Variants in NRXN3 observed in about 807,000 individuals in gnomAD.
NRXN3 encodes the protein neurexin 3, also known as neurexin III.
In NRXN3, 32 loss-of-function variants were observed where a neutral mutation model predicts 137.6. The observed-to-expected ratio is 0.23, with a 90% CI of 0.18 to 0.31. The LOEUF is 0.31. Ranked by LOEUF, NRXN3 falls within the 10% of genes least tolerant of loss-of-function variation. The pLI, the probability that NRXN3 is intolerant of heterozygous loss-of-function variation, is 1.00. For missense variants in NRXN3, 1,574 were observed against 2,062.5 expected, an observed-to-expected ratio of 0.76 and a Z score of 4.59; for synonymous variants, 798 against 784.5, an observed-to-expected ratio of 1.02 and a Z score of -0.29.
In NRXN3 at chr14:78,232,704, C is replaced by G. The variant is rs142514852; in HGVS notation, c.-703-9687C>G. Reference sequence around the variant, plus strand: ...CCTATCCCCTCATGTAAAGAATTCACTGGCTTTCAATTGAATCTTTTTTAA... The same window carrying G: ...CCTATCCCCTCATGTAAAGAATTCAGTGGCTTTCAATTGAATCTTTTTTAA... On this transcript the variant is annotated intron_variant, in intron 1 of 20. Coordinates refer to ENST00000335750, the MANE Select transcript of NRXN3 (RefSeq NM_001330195.2). 5.2e-3 allele frequency among the ~76,000 whole-genome samples: 792 copies of G among 152,302 alleles called. 8 individuals are homozygous for G. The highest frequency in any genetic ancestry group is 0.018 in the African/African-American group (741 of 41,544).
intron 8 of NRXN3, among the ~76,000 whole-genome samples, chr14:78,787,756 A>G (rs1009564248): frequency 3.3e-5 from 5 of 152,178 alleles, no homozygotes; most frequent in Non-Finnish European, 7.4e-5. Flanking sequence ...TATCAGGCTC[A>G]ATCACTAAAC....
intron 15 of NRXN3, among the ~76,000 whole-genome samples, chr14:79,031,014 T>C (rs985636838): frequency 1.3e-5 from 2 of 152,108 alleles, no homozygotes; most frequent in Admixed American, 6.6e-5. Context: ...ACTGCCTTTT[T>C]CCTCTATTGA....
At chr14:79,279,213 G>A (rs372831798) in intron 15 of NRXN3, 4 of 332,434 alleles carry the variant, frequency 1.2e-5, no homozygotes, top group South Asian at 2.4e-4. Context: ...GTGTATACGA[G>A]CCTGTGCTTG....
chr14:78,281,737 C>T (rs1030988194), intron 3 of NRXN3, among the ~76,000 whole-genome samples: 4 of 152,138 alleles, frequency 2.6e-5, no homozygotes, highest in Non-Finnish European at 4.4e-5. Context: ...TTGATGTTAC[C>T]ATCCTCAGCA....
intron 2 of NRXN3, among the ~76,000 whole-genome samples, chr14:78,262,956 T>G (rs1179532219): frequency 6.6e-6 from 1 of 152,154 alleles, no homozygotes; most frequent in Non-Finnish European, 1.5e-5. Flanking sequence ...CTCCACCCAG[T>G]AGTACAAAGA....
Position 79,595,122 on chromosome 14 carries a change from T to C in NRXN3, c.3445-68656T>C, listed in dbSNP as rs2097847589. Among the ~76,000 whole-genome samples, 5 of 152,298 alleles carry C rather than the reference T, an allele frequency of 3.3e-5. No homozygotes were observed. The South Asian group carries it at 1.0e-3, about 32-fold the overall frequency. On this transcript the variant is annotated intron_variant, in intron 16 of 20. Transcript: ENST00000335750. ...AAAAATGTTTCAGTTGCAGAAAGTA[T>C]TGGTGGCCAACAGGTCTTCCATGAG... is the stretch of plus-strand genomic sequence containing the variant.
rs560494060 is a variant in NRXN3 at position 78,562,037 on chromosome 14, C to T, written c.758-83083C>T. Reference sequence around the variant, plus strand: ...TCTGTCATCAAGATTAAGAGGTAGACTCTCTCTCTACCCTCTTGAATGTGG... The same window carrying T: ...TCTGTCATCAAGATTAAGAGGTAGATTCTCTCTCTACCCTCTTGAATGTGG... On this transcript the variant is annotated intron_variant, in intron 4 of 20. Transcript: ENST00000335750. Among the ~76,000 whole-genome samples, 14 of 152,290 alleles carry T rather than the reference C, an allele frequency of 9.2e-5. No individual in the cohort carries two copies. The East Asian group carries it at 2.7e-3, about 30-fold the overall frequency.
At chr14:78,478,969 A>G (rs578235680) in intron 4 of NRXN3, among the ~76,000 whole-genome samples, 65 of 152,334 alleles carry the variant, frequency 4.3e-4, no homozygotes, top group Non-Finnish European at 8.1e-4. Context: ...TTGTCATATC[A>G]CCAACGTCCA....
intron 19 of NRXN3, among the ~76,000 whole-genome samples, chr14:79,762,662 G>A (rs1460714753): frequency 1.3e-5 from 2 of 151,448 alleles, no homozygotes; most frequent in East Asian, 3.9e-4. Flanking sequence ...AATAGAACTG[G>A]CCTTATAGAA....
At chr14:79,692,989 T>C (rs1158917276) in intron 18 of NRXN3, among the ~76,000 whole-genome samples, 4 of 151,934 alleles carry the variant, frequency 2.6e-5, no homozygotes, top group Admixed American at 1.3e-4. Context: ...ACATAATGAG[T>C]TGGAAAAGAA....
At chr14:79,273,541 G>A (rs1293280555) in intron 15 of NRXN3, among the ~76,000 whole-genome samples, 1 of 152,134 alleles carries the variant, frequency 6.6e-6, no homozygotes, top group East Asian at 1.9e-4. Flanking sequence ...GGCTGAGGCA[G>A]GAGAATGGCA....
intron 15 of NRXN3, among the ~76,000 whole-genome samples, chr14:79,046,919 G>A (rs904426610): frequency 6.6e-6 from 1 of 152,164 alleles, no homozygotes; most frequent in Admixed American, 6.5e-5. Flanking sequence ...CTGCCTGTAA[G>A]GGTTTGAGCT....
intron 15 of NRXN3, chr14:79,280,760 G>T (rs2081153649): frequency 5.5e-6 from 3 of 549,298 alleles, no homozygotes; most frequent in Non-Finnish European, 3.2e-6. Flanking sequence ...TCTCTAAAGG[G>T]TTCTTTTCCC....
At chr14:78,294,555 CAAAAAAAAAAAAAAA>C (rs199592742) in intron 3 of NRXN3, among the ~76,000 whole-genome samples, 1 of 106,460 alleles carries the variant, frequency 9.4e-6, no homozygotes, top group African/African-American at 3.8e-5. Context: ...GATTCCGTCT[CAAAAAAAAAAAAAAA>C]AAAAAAAAAG....
intron 4 of NRXN3, among the ~76,000 whole-genome samples, chr14:78,608,331 C>T (rs117350432): frequency 7.2e-5 from 11 of 152,272 alleles, no homozygotes; most frequent in African/African-American, 2.6e-4. Flanking sequence ...CCTAGATATA[C>T]CTTCAGCCAA....
intron 4 of NRXN3, among the ~76,000 whole-genome samples, chr14:78,476,071 A>G (rs996216447): frequency 2.6e-5 from 4 of 152,240 alleles, no homozygotes; most frequent in African/African-American, 4.8e-5. Context: ...TATAATTCCC[A>G]ATGACATTGC....
intron 16 of NRXN3, among the ~76,000 whole-genome samples, chr14:79,606,069 CTTTG>C (rs1305586086): frequency 1.3e-5 from 2 of 152,124 alleles, no homozygotes; most frequent in Admixed American, 6.6e-5. Flanking sequence ...ATGAGGCTCT[CTTTG>C]TTTGAGGATT....
rs1413816917 is a variant in NRXN3 at position 79,862,464 on chromosome 14, A to AAAAC, written c.*502_*505dup. 1 of 152,102 alleles carries AAAAC rather than the reference A, an allele frequency of 6.6e-6. No homozygotes were observed. The highest frequency in any genetic ancestry group is 1.9e-4 in the East Asian group (1 of 5,204). The allele number at this position is 152,102 out of a possible 1,614,324, so 9.4% of individuals were successfully genotyped here. A position where few individuals can be genotyped will look rare whatever the true frequency, so the allele number is the denominator to read the frequency against. On this transcript the variant is annotated 3_prime_UTR_variant, in exon 21 of 21. Transcript: ENST00000335750. ...AAAAAGAAAAAAGTTAAAAAAGAAA[A>AAAAC]AAACACCAAAAAACAAAAACAAACA...
chr14:79,452,180 A>T (rs1453994827), intron 15 of NRXN3, among the ~76,000 whole-genome samples: 1 of 152,178 alleles, frequency 6.6e-6, no homozygotes, highest in African/African-American at 2.4e-5. Context: ...GGGTATGCCA[A>T]AATCTTTGCA....
Sources: allele counts gnomAD v4.1 joint callset (sites outside exome capture counted in the v4.1 genomes callset), GRCh38; gene constraint gnomAD v4.1.1; transcripts MANE v1.5; gene names NCBI Gene and HGNC (gene_info 2026-07-23, HGNC 2026-07-21).